CACNA1C: variants seen among roughly 807,000 people sequenced by gnomAD.
CACNA1C encodes the protein calcium voltage-gated channel subunit alpha1 C, also known as voltage-dependent L-type calcium channel subunit alpha-1C.
CACNA1C carries 30 observed loss-of-function variants against 229.0 expected under a neutral mutation model. That is an observed-to-expected ratio of 0.13 (90% confidence interval 0.10 to 0.18). The LOEUF is 0.18. CACNA1C is among the 10% of genes least tolerant of loss of function. The probability of loss-of-function intolerance (pLI) is 1.00; values close to 1 mark genes in which losing one functional copy is unlikely to be tolerated. For missense variants in CACNA1C, 1,658 were observed against 2,845.0 expected, an observed-to-expected ratio of 0.58 and a Z score of 9.49; for synonymous variants, 1,114 against 1,132.5, an observed-to-expected ratio of 0.98 and a Z score of 0.33.
rs762965021 is a variant in CACNA1C at position 2,688,718 on chromosome 12, C to A, written c.6056C>A (p.Pro2019His). Residue 2019 changes from proline (P) to histidine (H), a missense_variant, in exon 46 of 47, where the codon CCC becomes CAC. Pro to His is a moderately conservative substitution (Grantham distance 77). Around this residue, in one of 20 missense-constraint regions of CACNA1C, gnomAD observed 590 missense variants for 700.8 expected, o/e 0.84. Coordinates refer to ENST00000399655, the MANE Select transcript of CACNA1C (RefSeq NM_000719.7). ...GTCCGGCCCGTCTCCCTCATGGTGCCCAGCCAGGCTGGGGCCCCAGGGAGG... is the reference window on the plus strand; with the variant it reads ...GTCCGGCCCGTCTCCCTCATGGTGCACAGCCAGGCTGGGGCCCCAGGGAGG... ...RRVRPVSLMV[P>H]SQAGAPGRQF... 5.0e-6 allele frequency: 8 copies of A among 1,605,470 alleles called. No homozygotes were observed. In the East Asian group the frequency reaches 1.8e-4, roughly 36 times the overall value.
intron 3 of CACNA1C, among the ~76,000 whole-genome samples, chr12:2,273,623 A>G (rs2086201824): frequency 1.3e-5 from 2 of 152,230 alleles, no homozygotes; most frequent in South Asian, 2.1e-4. Context: ...GAGTGAAACC[A>G]GAAGAAGAAT....
Position 2,534,802 on chromosome 12 carries a change from A to G in CACNA1C, c.1391-15141A>G, listed in dbSNP as rs143258160. On this transcript the variant is annotated intron_variant, in intron 9 of 46. Transcript: ENST00000399655. The stretch of plus-strand genomic sequence containing the variant: ...TCTTCCTCCTGTGGAAAAAAACTTC[A>G]TATGTTGGAAGGTGGTGGCGAGGTC... 6.6e-4 allele frequency among the ~76,000 whole-genome samples: 101 copies of G among 152,314 alleles called. 1 individual carries two copies. In the South Asian group the frequency reaches 0.016, roughly 24 times the overall value.
chr12:2,147,702 C>A (rs547488775), intron 3 of CACNA1C, among the ~76,000 whole-genome samples: 1 of 145,936 alleles, frequency 6.9e-6, no homozygotes, highest in African/African-American at 2.5e-5. Flanking sequence ...AATGAAAATA[C>A]GATGGTCAGA....
intron 5 of CACNA1C, among the ~76,000 whole-genome samples, chr12:2,474,317 A>G (rs1182015261): frequency 6.6e-6 from 1 of 152,194 alleles, no homozygotes; most frequent in Non-Finnish European, 1.5e-5. Flanking sequence ...GGCTCTGTCA[A>G]GGGTTTGGCA....
intron 3 of CACNA1C, among the ~76,000 whole-genome samples, chr12:2,369,631 T>TG (rs2097801588): frequency 6.6e-6 from 1 of 152,206 alleles, no homozygotes; most frequent in South Asian, 2.1e-4. Context: ...CTTGAACTCC[T>TG]GACCTCAGGT....
intron 28 of CACNA1C, 149 bp downstream of exon 28, chr12:2,610,848 G>A (rs1040196272): frequency 1.8e-5 from 14 of 796,824 alleles, no homozygotes; most frequent in Non-Finnish European, 2.7e-5. Flanking sequence ...TCTCTGTCAA[G>A]GATGTGCTCC....
At chr12:2,120,762 G>A (rs981936135) in intron 3 of CACNA1C, among the ~76,000 whole-genome samples, 4 of 151,432 alleles carry the variant, frequency 2.6e-5, no homozygotes, top group Admixed American at 6.6e-5. Flanking sequence ...GGTGTTCGCT[G>A]CAGCGAACAT....
At chr12:2,606,590 A>G (rs1470778226) in intron 24 of CACNA1C, 21 bp from the exon 25 acceptor site, 23 of 1,590,202 alleles carry the variant, frequency 1.4e-5, no homozygotes, top group Non-Finnish European at 1.8e-5. Context: ...CATCTCTGAT[A>G]CTCTGTTCTC....
chr12:2,603,739 GGGACT>G (rs1381787994), intron 22 of CACNA1C: 1 of 152,210 alleles, frequency 6.6e-6, no homozygotes, highest in Non-Finnish European at 1.5e-5. Context: ...AGGAGCCAAA[GGGACT>G]GGCCTTCTGA....
At chr12:2,137,415 TATACACACAC>T (rs1356132757) in intron 3 of CACNA1C, among the ~76,000 whole-genome samples, 7 of 150,948 alleles carry the variant, frequency 4.6e-5, no homozygotes, top group Admixed American at 6.7e-5. Context: ...AAAGTATATA[TATACACACAC>T]ATACACACAC....
chr12:2,561,329 C>T (rs1204534457), intron 11 of CACNA1C, among the ~76,000 whole-genome samples: 1 of 152,176 alleles, frequency 6.6e-6, no homozygotes, highest in Non-Finnish European at 1.5e-5. Context: ...CTGGTGGACC[C>T]GCCCAGCACT....
At chr12:2,163,903 A>T (rs1398072805) in intron 3 of CACNA1C, among the ~76,000 whole-genome samples, 1 of 152,182 alleles carries the variant, frequency 6.6e-6, no homozygotes, top group Non-Finnish European at 1.5e-5. Flanking sequence ...CCCATAACCC[A>T]GCTGGAGTAA....
At chr12:2,434,905 C>T (rs529780600) in intron 3 of CACNA1C, among the ~76,000 whole-genome samples, 69 of 152,354 alleles carry the variant, frequency 4.5e-4, no homozygotes, top group Non-Finnish European at 7.1e-4. Context: ...CTAAAGATTG[C>T]TTTTCATATT....
At chr12:2,178,574 G>T (rs2096737271) in intron 3 of CACNA1C, among the ~76,000 whole-genome samples, 1 of 152,194 alleles carries the variant, frequency 6.6e-6, no homozygotes, top group Admixed American at 6.5e-5. Flanking sequence ...TTGTGGGGGT[G>T]TCACAGAAGG....
At chr12:2,648,340 T>C (rs2094555326) in intron 30 of CACNA1C, 135 bp from the exon 31 acceptor site, 1 of 818,138 alleles carries the variant, frequency 1.2e-6, no homozygotes, top group Non-Finnish European at 2.1e-6. Context: ...AGGCCTACGC[T>C]TTCACGTTTC....
chr12:2,122,087 C>T (rs889022903), intron 3 of CACNA1C, among the ~76,000 whole-genome samples: 14 of 152,126 alleles, frequency 9.2e-5, no homozygotes, highest in Non-Finnish European at 2.9e-5. Context: ...CAACTCTGGA[C>T]CTCCTGGAGG....
chr12:2,183,725 G>A (rs771093714), intron 3 of CACNA1C, among the ~76,000 whole-genome samples: 5 of 152,208 alleles, frequency 3.3e-5, no homozygotes, highest in South Asian at 2.1e-4. Context: ...CTCTGCCCTC[G>A]TCTCTTGCCT....
intron 22 of CACNA1C, among the ~76,000 whole-genome samples, chr12:2,604,725 A>G (rs1308191695): frequency 6.6e-6 from 1 of 152,242 alleles, no homozygotes; most frequent in South Asian, 2.1e-4. Flanking sequence ...TGCCTTGGCT[A>G]GCAAGTGCCT....
intron 3 of CACNA1C, among the ~76,000 whole-genome samples, chr12:2,193,960 C>T (rs1177586689): frequency 6.6e-6 from 1 of 152,166 alleles, no homozygotes; most frequent in East Asian, 1.9e-4. Flanking sequence ...TGCACCCTCT[C>T]CCTCAGTCCT....
Sources: gnomAD v4.1 joint callset for allele counts (sites outside exome capture counted in the v4.1 genomes callset) on GRCh38, gnomAD v4.1.1 for gene constraint, gnomAD v4.1.1 regional missense constraint, MANE v1.5 for transcripts, NCBI Gene and HGNC (gene_info 2026-07-23, HGNC 2026-07-21) for gene names.